ZNF385D: variants seen among roughly 807,000 people sequenced by gnomAD.
ZNF385D encodes the protein zinc finger protein 659.
ZNF385D carries 15 observed loss-of-function variants against 35.8 expected under a neutral mutation model. The ratio of observed to expected loss-of-function variants is 0.42; its 90% CI spans 0.28 to 0.64. The LOEUF is 0.64. Among genes scored for constraint, ZNF385D ranks in the 30% least tolerant of loss-of-function variants. The pLI is 0.23. For missense variants in ZNF385D, 474 were observed against 494.6 expected, an observed-to-expected ratio of 0.96 and a Z score of 0.39; for synonymous variants, 212 against 186.8, an observed-to-expected ratio of 1.13 and a Z score of -1.10.
intron 2 of ZNF385D, among the ~76,000 whole-genome samples, chr3:22,303,865 T>A (rs1703057149): frequency 6.6e-6 from 1 of 152,038 alleles, no homozygotes; most frequent in African/African-American, 2.4e-5. Flanking sequence ...GCAAACTCCA[T>A]CTCCGAGGTT....
intron 3 of ZNF385D, among the ~76,000 whole-genome samples, chr3:21,956,637 C>A (rs1379387185): frequency 6.6e-6 from 1 of 151,868 alleles, no homozygotes; most frequent in African/African-American, 2.4e-5. Flanking sequence ...TTAATGCATC[C>A]TCTGCCTTTA....
At chr3:22,061,318 T>A (rs1289179182) in intron 3 of ZNF385D, among the ~76,000 whole-genome samples, 2 of 152,132 alleles carry the variant, frequency 1.3e-5, no homozygotes, top group Non-Finnish European at 2.9e-5. Flanking sequence ...TTCATTTACT[T>A]TTCTTCTGTC....
intron 1 of ZNF385D, among the ~76,000 whole-genome samples, chr3:21,694,265 G>A (rs1473328022): frequency 6.6e-6 from 1 of 151,832 alleles, no homozygotes; most frequent in Non-Finnish European, 1.5e-5. Context: ...GGATGGTCTT[G>A]ACCTCATGAT....
intron 2 of ZNF385D, among the ~76,000 whole-genome samples, chr3:21,598,724 A>C (rs1159247595): frequency 5.3e-5 from 8 of 152,232 alleles, no homozygotes; most frequent in Non-Finnish European, 7.3e-5. Flanking sequence ...TAATAAAGGA[A>C]ATAAATATCT....
At chr3:22,035,279 G>A (rs1010323737) in intron 3 of ZNF385D, among the ~76,000 whole-genome samples, 5 of 152,136 alleles carry the variant, frequency 3.3e-5, no homozygotes, top group Admixed American at 2.6e-4. Context: ...CAAAATAATG[G>A]CATTTAAATT....
At chr3:21,989,416 C>A (rs1297278932) in intron 3 of ZNF385D, among the ~76,000 whole-genome samples, 1 of 152,134 alleles carries the variant, frequency 6.6e-6, no homozygotes, top group Non-Finnish European at 1.5e-5. Flanking sequence ...TTTTCTGACA[C>A]AATGCACTGA....
chr3:21,976,728 C>A (rs186199587), intron 3 of ZNF385D, among the ~76,000 whole-genome samples: 2 of 152,306 alleles, frequency 1.3e-5, no homozygotes, highest in East Asian at 3.9e-4. Flanking sequence ...GCAGGTGTCT[C>A]ACGCTTGTAA....
At chr3:21,827,305 TAC>T (rs1694703454) in intron 3 of ZNF385D, among the ~76,000 whole-genome samples, 1 of 152,204 alleles carries the variant, frequency 6.6e-6, no homozygotes, top group Non-Finnish European at 1.5e-5. Flanking sequence ...GCATCTTTAA[TAC>T]AGTTATGGAC....
intron 3 of ZNF385D, among the ~76,000 whole-genome samples, chr3:22,159,066 C>A (rs572182558): frequency 6.6e-6 from 1 of 151,552 alleles, no homozygotes; most frequent in South Asian, 2.1e-4. Context: ...TGATTAGTAA[C>A]TGAAAGAGGT....
intron 3 of ZNF385D, among the ~76,000 whole-genome samples, chr3:22,076,043 C>G (rs1434920596): frequency 6.6e-6 from 1 of 151,926 alleles, no homozygotes; most frequent in Non-Finnish European, 1.5e-5. Context: ...TTGTCTCCCC[C>G]ATTACCAACT....
chr3:22,216,198 AT>A (rs1296381554), intron 2 of ZNF385D, among the ~76,000 whole-genome samples: 2 of 151,920 alleles, frequency 1.3e-5, no homozygotes, highest in Admixed American at 6.6e-5. Context: ...TTGCCAGAAT[AT>A]TTTTTCCTTA....
intron 2 of ZNF385D, among the ~76,000 whole-genome samples, chr3:22,270,399 C>T (rs1701112450): frequency 1.3e-5 from 2 of 152,006 alleles, no homozygotes; most frequent in African/African-American, 4.8e-5. Flanking sequence ...GTCTGTTTTA[C>T]TCCTCCTCTG....
At chr3:21,687,646 G>A (rs541662854) in intron 1 of ZNF385D, among the ~76,000 whole-genome samples, 9 of 152,060 alleles carry the variant, frequency 5.9e-5, no homozygotes, top group African/African-American at 1.7e-4. Flanking sequence ...TACATTCCCT[G>A]GGTTTGGACA....
chr3:22,290,980 ACTT>A (rs376321194), intron 2 of ZNF385D, among the ~76,000 whole-genome samples: 131 of 152,192 alleles, frequency 8.6e-4, no homozygotes, highest in African/African-American at 3.0e-3. Flanking sequence ...CTGCTCTGAT[ACTT>A]CTTCTTATAT....
At chr3:22,068,592 A>G (rs1004905642) in intron 3 of ZNF385D, among the ~76,000 whole-genome samples, 3 of 152,208 alleles carry the variant, frequency 2.0e-5, no homozygotes, top group Admixed American at 2.0e-4. Context: ...CAGGTTCAAC[A>G]TGATCCATCC....
At chr3:21,906,848 C>A (rs1173546150) in intron 3 of ZNF385D, among the ~76,000 whole-genome samples, 1 of 152,172 alleles carries the variant, frequency 6.6e-6, no homozygotes, top group African/African-American at 2.4e-5. Context: ...CAAGGTCTTG[C>A]ATTCACAGTC....
In ZNF385D at chr3:21,810,196, T is replaced by C. The variant is rs1238401701; in HGVS notation, c.326-145168A>G. Among the ~76,000 whole-genome samples the C allele has an allele frequency of 2.0e-5, 3 of 152,134 alleles. No individual in the cohort carries two copies. The East Asian group carries it at 5.8e-4, about 29-fold the overall frequency. ...GTATAAAAAGAAAAATACATCATGA[T>C]CAATTAGGGTTTCTTCTAGGAATTC... On this transcript the variant is annotated intron_variant, in intron 3 of 5. Coordinates refer to the ZNF385D transcript ENST00000494108.
intron 3 of ZNF385D, among the ~76,000 whole-genome samples, chr3:21,960,464 C>T (rs968131106): frequency 6.6e-6 from 1 of 150,456 alleles, no homozygotes; most frequent in African/African-American, 2.4e-5. Context: ...CAGTAAAAAA[C>T]GGATCCCTTG....
chr3:21,989,109 G>A (rs562259752), intron 3 of ZNF385D, among the ~76,000 whole-genome samples: 208 of 152,200 alleles, frequency 1.4e-3, no homozygotes, highest in Non-Finnish European at 2.7e-3. Flanking sequence ...GAAATCACCC[G>A]TCTTCTGCGT....
Sources: gnomAD v4.1 joint callset for allele counts (sites outside exome capture counted in the v4.1 genomes callset) on GRCh38, gnomAD v4.1.1 for gene constraint, MANE v1.5 for transcripts, NCBI Gene and HGNC (gene_info 2026-07-23, HGNC 2026-07-21) for gene names.